ADGRB3: variants seen among roughly 807,000 people sequenced by gnomAD.
ADGRB3 encodes the protein brain-specific angiogenesis inhibitor 3.
In ADGRB3, 37 loss-of-function variants were observed where a neutral mutation model predicts 193.4. That is an observed-to-expected ratio of 0.19 (90% CI 0.15 to 0.25). ADGRB3 has a LOEUF of 0.25. ADGRB3 is among the 10% of genes least tolerant of loss of function. ADGRB3 has a pLI of 1.00. For synonymous variants in ADGRB3, 690 were observed against 644.2 expected (o/e 1.07, Z -1.08); for missense variants, 1,637 against 1,852.9 (o/e 0.88, Z 2.14).
In ADGRB3 at chr6:69,338,896, G is replaced by A; in HGVS notation, c.3189-20G>A. ...AATTCAATATTTTGTTCTTTTTGTG[G>A]GTGTTCTGTTTGTTTGCAGTCAGAT... On this transcript the variant is annotated intron_variant, in intron 24 of 31. Transcript: ENST00000370598. The A allele has an allele frequency of 6.2e-7, 1 of 1,601,196 alleles. No individual in the cohort carries two copies. Among genetic ancestry groups the A allele is most frequent in the Non-Finnish European group, 8.5e-7 (1 of 1,173,174 alleles).
rs371827583 is a variant in ADGRB3, at chr6:69,153,784, G to T, written c.2480+77746G>T. 9.9e-4 allele frequency among the ~76,000 whole-genome samples: 151 copies of T among 152,214 alleles called. 1 individual carries two copies. The South Asian group carries it at 0.026, about 26-fold the overall frequency. ...CAAGGCGGGCGGATCACGAGGTCAG[G>T]AGATCGAGACCATGCTGGCTAACAC... On this transcript the variant is annotated intron_variant, in intron 17 of 31. Coordinates refer to ENST00000370598, the MANE Select transcript of ADGRB3 (RefSeq NM_001704.3).
At chr6:68,937,960 TA>T (rs1458880849) in intron 5 of ADGRB3, among the ~76,000 whole-genome samples, 1 of 151,940 alleles carries the variant, frequency 6.6e-6, no homozygotes. Context: ...GTGGAGGAAA[TA>T]AAAAGTAAAG....
At chr6:69,164,338 A>G (rs981367623) in intron 17 of ADGRB3, among the ~76,000 whole-genome samples, 1 of 152,090 alleles carries the variant, frequency 6.6e-6, no homozygotes, top group African/African-American at 2.4e-5. Context: ...AGGACAAACC[A>G]AACAATACTG....
intron 8 of ADGRB3, among the ~76,000 whole-genome samples, chr6:68,962,796 TTC>T (rs1288492376): frequency 6.6e-6 from 1 of 152,174 alleles, no homozygotes; most frequent in East Asian, 1.9e-4. Flanking sequence ...TCTTTGATGT[TTC>T]TCATCAACAC....
intron 11 of ADGRB3, among the ~76,000 whole-genome samples, chr6:68,997,864 T>G (rs1477140060): frequency 8.5e-5 from 13 of 152,106 alleles, no homozygotes; most frequent in Non-Finnish European, 4.4e-5. Flanking sequence ...TAAATACCAC[T>G]AAGACACTTT....
intron 11 of ADGRB3, among the ~76,000 whole-genome samples, chr6:69,011,785 T>C (rs1297142069): frequency 1.3e-5 from 2 of 152,070 alleles, no homozygotes; most frequent in Non-Finnish European, 2.9e-5. Context: ...AAGAAAGACT[T>C]AGTCTCACCA....
intron 3 of ADGRB3, among the ~76,000 whole-genome samples, chr6:68,890,902 T>G (rs1270849742): frequency 6.6e-6 from 1 of 152,162 alleles, no homozygotes; most frequent in Non-Finnish European, 1.5e-5. Context: ...ATAAGCTAAC[T>G]TGAGGATGGA....
intron 20 of ADGRB3, among the ~76,000 whole-genome samples, chr6:69,249,203 C>T (rs1766565194): frequency 6.6e-6 from 1 of 152,088 alleles, no homozygotes; most frequent in South Asian, 2.1e-4. Context: ...GTCTTGAACT[C>T]CTGACCTCGT....
chr6:68,753,783 G>T (rs1477504003), intron 3 of ADGRB3, among the ~76,000 whole-genome samples: 6 of 152,152 alleles, frequency 3.9e-5, no homozygotes, highest in African/African-American at 1.2e-4. Context: ...CCTGGTGCTG[G>T]TTGGGGACGC....
At chr6:68,667,695 A>G (rs934864480) in intron 3 of ADGRB3, among the ~76,000 whole-genome samples, 2 of 151,920 alleles carry the variant, frequency 1.3e-5, no homozygotes, top group African/African-American at 4.8e-5. Flanking sequence ...GCCATATTCT[A>G]TTTGTCAAAA....
intron 3 of ADGRB3, among the ~76,000 whole-genome samples, chr6:68,681,187 C>T (rs1764887839): frequency 6.6e-6 from 1 of 152,142 alleles, no homozygotes; most frequent in Non-Finnish European, 1.5e-5. Flanking sequence ...GGAGAGGACA[C>T]CAAGCCATTC....
At chr6:69,140,600 G>T (rs967365924) in intron 17 of ADGRB3, among the ~76,000 whole-genome samples, 2 of 152,004 alleles carry the variant, frequency 1.3e-5, no homozygotes, top group African/African-American at 4.8e-5. Flanking sequence ...AAAACAGGAT[G>T]ACTATTGTCA....
At chr6:68,753,240 G>C (rs1459887035) in intron 3 of ADGRB3, among the ~76,000 whole-genome samples, 4 of 152,164 alleles carry the variant, frequency 2.6e-5, no homozygotes, top group Admixed American at 2.6e-4. Context: ...TGTCAAATTT[G>C]GGCATCTATT....
intron 3 of ADGRB3, among the ~76,000 whole-genome samples, chr6:68,763,678 C>G (rs1375100676): frequency 6.6e-6 from 1 of 152,100 alleles, no homozygotes; most frequent in Non-Finnish European, 1.5e-5. Context: ...GAAGATTGAC[C>G]ATTAAGGATA....
At chr6:68,795,978 CT>C (rs1479131231) in intron 3 of ADGRB3, among the ~76,000 whole-genome samples, 1 of 151,936 alleles carries the variant, frequency 6.6e-6, no homozygotes, top group African/African-American at 2.4e-5. Flanking sequence ...CAGGTTCCAG[CT>C]TTGTGAATCT....
chr6:68,891,816 T>C (rs1326598904), intron 3 of ADGRB3, among the ~76,000 whole-genome samples: 1 of 152,078 alleles, frequency 6.6e-6, no homozygotes, highest in Non-Finnish European at 1.5e-5. Flanking sequence ...GAAGTGGTCA[T>C]AGAATAGTCA....
chr6:68,673,049 G>GGT (rs1437809240), intron 3 of ADGRB3, among the ~76,000 whole-genome samples: 3 of 151,594 alleles, frequency 2.0e-5, no homozygotes, highest in African/African-American at 7.3e-5. Context: ...TCTCTCAGTA[G>GGT]GTGTGTGTGT....
At position 69,308,268 on chromosome 6, in the gene ADGRB3, G is replaced by A. The variant is rs1768106548; in HGVS notation, c.2815-16604G>A. ...TATTCATAGTGAAATCTAAATAATA[G>A]TAATTACACTTACCTTTCCTGTTTA... On this transcript the variant is annotated intron_variant, in intron 20 of 31. Transcript: ENST00000370598. Among the ~76,000 whole-genome samples, 3 of 151,388 alleles carry A rather than the reference G, an allele frequency of 2.0e-5. 1 individual carries two copies. Among genetic ancestry groups the A allele is most frequent in the African/African-American group, 4.9e-5 (2 of 41,086 alleles).
intron 10 of ADGRB3, among the ~76,000 whole-genome samples, chr6:68,986,443 C>G (rs1769079160): frequency 1.3e-5 from 2 of 152,156 alleles, no homozygotes; most frequent in Non-Finnish European, 1.5e-5. Context: ...CTTGATGTTT[C>G]CACTTTAGGG....
Sources: gnomAD v4.1 joint callset for allele counts (sites outside exome capture counted in the v4.1 genomes callset) on GRCh38, gnomAD v4.1.1 for gene constraint, MANE v1.5 for transcripts, NCBI Gene and HGNC (gene_info 2026-07-23, HGNC 2026-07-21) for gene names.